Variants in ELFN2 observed in about 807,000 individuals in gnomAD.
The protein encoded by ELFN2 is protein phosphatase 1 regulatory subunit 29.
In ELFN2, 17 loss-of-function variants were observed where a neutral mutation model predicts 45.5. That is an observed-to-expected ratio of 0.37 (90% CI 0.26 to 0.56). The LOEUF (loss-of-function observed/expected upper bound fraction) is 0.56. Among genes scored for constraint, ELFN2 ranks in the 20% least tolerant of loss-of-function variants. ELFN2 has a pLI of 0.77. For synonymous variants in ELFN2, 550 were observed against 551.5 expected, an observed-to-expected ratio of 1.00 and a Z score of 0.04; for missense variants, 922 against 1,183.2, an observed-to-expected ratio of 0.78 and a Z score of 3.24.
rs1303256017 is a variant in ELFN2 at position 37,374,288 on chromosome 22, T to C, written c.1247A>G (p.Tyr416Cys). ...CATGCGCCGCTTGCGCAGGCAGTAG[T>C]ACACGGCTCCCAGCACGATAACCAT... Reference protein sequence around the residue: ...FGMVIVLGAVYYCLRKRRMQE... With the variant: ...FGMVIVLGAVCYCLRKRRMQE... The change falls in exon 3 of 3, where the codon TAC becomes TGC. Residue 416 changes from tyrosine to cysteine, a missense_variant. Around this residue, in one of 2 missense-constraint regions of ELFN2, gnomAD observed 564 missense variants for 642.8 expected, o/e 0.88. Transcript: ENST00000402918. 1 of 1,613,888 alleles carries C rather than the reference T, an allele frequency of 6.2e-7. No individual in the cohort carries two copies. Among genetic ancestry groups the C allele is most frequent in the African/African-American group, 1.3e-5 (1 of 75,048 alleles).
chr22:37,419,352 T>C (rs1487823310), intron 1 of ELFN2, among the ~76,000 whole-genome samples: 9 of 150,926 alleles, frequency 6.0e-5, no homozygotes, highest in African/African-American at 2.2e-4. Context: ...CACACACACA[T>C]AGACCTGTCC....
intron 2 of ELFN2, among the ~76,000 whole-genome samples, chr22:37,378,053 C>G (rs1490497783): frequency 6.6e-6 from 1 of 152,206 alleles, no homozygotes; most frequent in Non-Finnish European, 1.5e-5. Context: ...TCTTCCTCAT[C>G]GGGGAATGTC....
At chr22:37,347,100 T>A (rs764997297) in intron 1 of ELFN2, among the ~76,000 whole-genome samples, 1 of 152,124 alleles carries the variant, frequency 6.6e-6, no homozygotes, top group Non-Finnish European at 1.5e-5. Context: ...TGCCTCAGCC[T>A]CCCGAGTAGC....
chr22:37,358,056 G>A (rs1159214824), intron 1 of ELFN2, among the ~76,000 whole-genome samples: 1 of 152,102 alleles, frequency 6.6e-6, no homozygotes, highest in East Asian at 1.9e-4. Context: ...TCAGCAGGTG[G>A]ACCTGGCGGG....
chr22:37,380,960 G>A (rs923729678), intron 2 of ELFN2, among the ~76,000 whole-genome samples: 7 of 152,234 alleles, frequency 4.6e-5, no homozygotes, highest in South Asian at 2.1e-4. Context: ...TGGAACTACC[G>A]TTCGGTAAGT....
chr22:37,387,702 T>TTA (rs1191078652), intron 2 of ELFN2, among the ~76,000 whole-genome samples: 26 of 152,066 alleles, frequency 1.7e-4, no homozygotes, highest in African/African-American at 6.3e-4. Context: ...CCGCGGCCCC[T>TTA]CGGGCTCCTC....
rs975026802 is a variant in ELFN2, at chr22:37,373,762, A to G, written c.1773T>C (p.Thr591=). 6.3e-7 allele frequency: 1 copy of G among 1,582,732 alleles called. No individual in the cohort carries two copies. Among genetic ancestry groups the G allele is most frequent in the Non-Finnish European group, 8.5e-7 (1 of 1,170,470 alleles). The change falls in exon 3 of 3, where the codon ACT becomes ACC. Residue 591 remains threonine (T), a synonymous_variant. Coordinates refer to ENST00000402918, the MANE Select transcript of ELFN2 (RefSeq NM_052906.5). ...TGGGCCGCTCCAGGGCCCCGGGGCC[A>G]GTGGCTGAGGAGGCGGCAGCAGCTG... ...LPAAAAASSA[T]GPGALERPSF...
intron 2 of ELFN2, among the ~76,000 whole-genome samples, chr22:37,415,559 C>T (rs1280207518): frequency 6.6e-6 from 1 of 152,220 alleles, no homozygotes; most frequent in East Asian, 1.9e-4. Context: ...CAACTCAGGA[C>T]CGTACTCCCA....
chr22:37,401,677 C>CCTA (rs1311267166), intron 2 of ELFN2, among the ~76,000 whole-genome samples: 1 of 152,204 alleles, frequency 6.6e-6, no homozygotes, highest in East Asian at 1.9e-4. Flanking sequence ...GGGCCACCGC[C>CCTA]CTAGGAGGCG....
At chr22:37,411,081 A>G (rs570360627) in intron 2 of ELFN2, among the ~76,000 whole-genome samples, 1 of 152,188 alleles carries the variant, frequency 6.6e-6, no homozygotes, top group Non-Finnish European at 1.5e-5. Flanking sequence ...AGTGCTTCAT[A>G]GTGTCACCCT....
At chr22:37,398,260 G>T (rs988636599) in intron 2 of ELFN2, among the ~76,000 whole-genome samples, 2 of 152,048 alleles carry the variant, frequency 1.3e-5, no homozygotes, top group Admixed American at 6.5e-5. Flanking sequence ...ATTATTTTTT[G>T]ACTCCAACCT....
rs755047462 is a variant in ELFN2 at position 37,373,246 on chromosome 22, G to C, written c.2289C>G (p.Ser763=). Reference sequence around the variant, plus strand: ...GCTCCCAGATCTTGTGCGTGCTCTCGGATGAGTACTCGGGGCTGGAGGAGT... The same window carrying C: ...GCTCCCAGATCTTGTGCGTGCTCTCCGATGAGTACTCGGGGCTGGAGGAGT... ...SGYSSSPEYS[S]ESTHKIWERF... The change falls in exon 3 of 3, where the codon TCC becomes TCG. Residue 763 remains serine (S), a synonymous_variant. Coordinates refer to ENST00000402918, the MANE Select transcript of ELFN2 (RefSeq NM_052906.5). 6 of 1,613,780 alleles carry C rather than the reference G, an allele frequency of 3.7e-6. No homozygotes were observed. In the African/African-American group the frequency reaches 8.0e-5, roughly 22 times the overall value.
At chr22:37,366,545 G>A (rs1271501479), downstream of ELFN2, among the ~76,000 whole-genome samples, 1 of 152,234 alleles carries the variant, frequency 6.6e-6, no homozygotes, top group Non-Finnish European at 1.5e-5. Flanking sequence ...AGAAAACAGG[G>A]ACCCAGTGCG....
At chr22:37,355,413 C>T (rs1930924956) in intron 1 of ELFN2, among the ~76,000 whole-genome samples, 1 of 152,250 alleles carries the variant, frequency 6.6e-6, no homozygotes, top group Non-Finnish European at 1.5e-5. Context: ...ACAGCCCACA[C>T]CTGACCTGTC....
At position 37,418,365 on chromosome 22, in the gene ELFN2, A is replaced by AGGG. The variant is rs374822704; in HGVS notation, c.-613-449_-613-447dup. ...GGGCTCAGGGGCCAGGGAAGAGGCC[A>AGGG]GGGGCCACAGGGCTTCTTTCAAGCC... is the stretch of plus-strand genomic sequence containing the variant. On this transcript the variant is annotated intron_variant, in intron 1 of 2. Coordinates refer to ENST00000402918, the MANE Select transcript of ELFN2 (RefSeq NM_052906.5). Among the ~76,000 whole-genome samples the AGGG allele has an allele frequency of 1.2e-4, 19 of 152,168 alleles. 1 individual carries two copies. The East Asian group carries it at 3.7e-3, about 29-fold the overall frequency.
Position 37,417,689 on chromosome 22 carries a change from C to T in ELFN2, c.-463+80G>A, listed in dbSNP as rs928841739. 1 of 152,564 alleles carries T rather than the reference C, an allele frequency of 6.6e-6. No homozygotes were observed. Among genetic ancestry groups the T allele is most frequent in the African/African-American group, 2.4e-5 (1 of 41,486 alleles). 9.5% of individuals were successfully genotyped at this position (152,564 alleles called of 1,614,324 possible). On this transcript the variant is annotated intron_variant, in intron 2 of 2. Coordinates refer to ENST00000402918, the MANE Select transcript of ELFN2 (RefSeq NM_052906.5). The surrounding 1 kb of genome is among the most constrained non-coding windows in gnomAD (Gnocchi z 4.5). Reference sequence around the variant, plus strand: ...ACAGAAGCCTGAGGCTGGGCCACATCACAGGTTTGCAAGGCCGGGTCATGT... The same window carrying T: ...ACAGAAGCCTGAGGCTGGGCCACATTACAGGTTTGCAAGGCCGGGTCATGT...
At chr22:37,409,776 C>G (rs1932600031) in intron 2 of ELFN2, among the ~76,000 whole-genome samples, 1 of 152,166 alleles carries the variant, frequency 6.6e-6, no homozygotes, top group Non-Finnish European at 1.5e-5. Context: ...CCCGCCGCAC[C>G]CCTGAGAAGG....
At chr22:37,379,420 C>T (rs1931685492) in intron 2 of ELFN2, among the ~76,000 whole-genome samples, 1 of 152,192 alleles carries the variant, frequency 6.6e-6, no homozygotes, top group Admixed American at 6.5e-5. Context: ...TGCAGGCAAG[C>T]AGGCATTGGG....
At chr22:37,365,666 G>C (rs11913044), downstream of ELFN2, among the ~76,000 whole-genome samples, 1,597 of 152,262 alleles carry the variant, frequency 0.01, 26 homozygotes, top group African/African-American at 0.037. Context: ...GCCAAAGTGG[G>C]GTGCCCCTGG....
Sources: allele counts gnomAD v4.1 joint callset (sites outside exome capture counted in the v4.1 genomes callset), GRCh38; gene constraint gnomAD v4.1.1; regional missense constraint gnomAD v4.1.1; non-coding constraint Gnocchi (gnomAD v3.1); transcripts MANE v1.5; gene names NCBI Gene and HGNC (gene_info 2026-07-23, HGNC 2026-07-21).